Variants in ERC2 observed in about 807,000 individuals in gnomAD.
The protein encoded by ERC2 is ERC protein 2.
In ERC2, 42 loss-of-function variants were observed where a neutral mutation model predicts 114.8. The ratio of observed to expected loss-of-function variants is 0.37; its 90% confidence interval spans 0.29 to 0.47. The LOEUF is 0.47. Ranked by LOEUF, ERC2 falls within the 20% of genes least tolerant of loss-of-function variation. The pLI is 0.99. For missense variants in ERC2, 939 were observed against 1,150.7 expected (o/e 0.82, Z 2.66); for synonymous variants, 454 against 425.5 (o/e 1.07, Z -0.82).
intron 5 of ERC2, among the ~76,000 whole-genome samples, chr3:56,141,259 T>TGAA (rs2080838704): frequency 6.6e-6 from 1 of 152,158 alleles, no homozygotes; most frequent in Admixed American, 6.5e-5. Flanking sequence ...CAACTAGAGC[T>TGAA]GAAGTTTATT....
chr3:55,533,720 T>G (rs1239439292), intron 17 of ERC2, among the ~76,000 whole-genome samples: 2 of 152,188 alleles, frequency 1.3e-5, no homozygotes, highest in Non-Finnish European at 2.9e-5. Flanking sequence ...GTGCTGCTCC[T>G]GGGGAGATGC....
At chr3:55,545,919 C>T (rs1410920233) in intron 17 of ERC2, among the ~76,000 whole-genome samples, 2 of 152,160 alleles carry the variant, frequency 1.3e-5, no homozygotes, top group Admixed American at 1.3e-4. Flanking sequence ...GTCTTGGGTC[C>T]CGTTACCCTG....
At chr3:55,662,905 T>C (rs1157597167) in intron 17 of ERC2, among the ~76,000 whole-genome samples, 1 of 152,184 alleles carries the variant, frequency 6.6e-6, no homozygotes, top group Admixed American at 6.5e-5. Flanking sequence ...TGATGAGACA[T>C]GCTGAATGAG....
chr3:55,558,642 A>G (rs2055792990), intron 17 of ERC2, among the ~76,000 whole-genome samples: 1 of 152,228 alleles, frequency 6.6e-6, no homozygotes, highest in Admixed American at 6.5e-5. Context: ...AGTATCCCTA[A>G]CAGTTACAGA....
chr3:55,908,487 A>G (rs556555543), intron 13 of ERC2, among the ~76,000 whole-genome samples: 1 of 152,188 alleles, frequency 6.6e-6, no homozygotes, highest in East Asian at 1.9e-4. Context: ...TGAACAGAGG[A>G]GGAAAGGAAG....
At chr3:55,735,048 A>G (rs2065540749) in intron 14 of ERC2, 130 bp from the exon 15 acceptor site, 2 of 999,604 alleles carry the variant, frequency 2.0e-6, no homozygotes, top group African/African-American at 1.6e-5. Flanking sequence ...TACTTAAAAC[A>G]AACTAGCTCT....
At position 55,994,647 on chromosome 3, in the gene ERC2, T is replaced by TAAAAAAAAA. The variant is rs10662566; in HGVS notation, c.2062-2406_2062-2398dup. Among the ~76,000 whole-genome samples the TAAAAAAAAA allele has an allele frequency of 9.8e-5, 6 of 61,396 alleles. 1 individual carries two copies. The highest frequency in any genetic ancestry group is 2.8e-4 in the African/African-American group (4 of 14,196). 40.3% of individuals were successfully genotyped at this position (61,396 alleles called of 152,430 possible). A position where few individuals can be genotyped will look rare whatever the true frequency, so the allele number is the denominator to read the frequency against. ...CATTGACAAGATACTACATACTCCCTAAAAAAAAAAAAAAAAAAAAAAAAA... is the reference window on the plus strand; with the variant it reads ...CATTGACAAGATACTACATACTCCCTAAAAAAAAAAAAAAAAAAAAAAAAAAAAAAAAAA... On this transcript the variant is annotated intron_variant, in intron 10 of 17. Coordinates refer to ENST00000288221, the MANE Select transcript of ERC2 (RefSeq NM_015576.3).
At chr3:55,564,532 G>A (rs1381887687) in intron 17 of ERC2, among the ~76,000 whole-genome samples, 1 of 152,158 alleles carries the variant, frequency 6.6e-6, no homozygotes, top group Non-Finnish European at 1.5e-5. Flanking sequence ...TTGTGACAGA[G>A]ACACTGCCAG....
At chr3:56,430,859 AG>A (rs1395438080) in intron 2 of ERC2, among the ~76,000 whole-genome samples, 33 of 152,276 alleles carry the variant, frequency 2.2e-4, no homozygotes, top group African/African-American at 7.7e-4. Flanking sequence ...TTTTTCATCT[AG>A]CATGTATGAA....
At chr3:56,133,604 T>C (rs2080333166) in intron 6 of ERC2, among the ~76,000 whole-genome samples, 1 of 152,160 alleles carries the variant, frequency 6.6e-6, no homozygotes, top group Non-Finnish European at 1.5e-5. Flanking sequence ...TGTATGACCT[T>C]GAGCAAGTTA....
intron 14 of ERC2, among the ~76,000 whole-genome samples, chr3:55,765,586 G>A (rs1276506443): frequency 6.6e-6 from 1 of 152,216 alleles, no homozygotes; most frequent in Admixed American, 6.5e-5. Flanking sequence ...ACTGGCAGAG[G>A]TATCCTCAAC....
chr3:56,125,005 T>C (rs2079792897), intron 6 of ERC2, among the ~76,000 whole-genome samples: 1 of 152,232 alleles, frequency 6.6e-6, no homozygotes, highest in African/African-American at 2.4e-5. Context: ...TTGTATTTCA[T>C]CCAACATGTG....
intron 14 of ERC2, among the ~76,000 whole-genome samples, chr3:55,862,461 T>A (rs2062073132): frequency 6.6e-6 from 1 of 152,070 alleles, no homozygotes; most frequent in Non-Finnish European, 1.5e-5. Flanking sequence ...TGGCAGAAAT[T>A]TTGCAACATG....
chr3:55,999,512 T>C (rs2071866309), intron 10 of ERC2, among the ~76,000 whole-genome samples: 1 of 152,042 alleles, frequency 6.6e-6, no homozygotes. Context: ...AAAAAACAAC[T>C]ATACTATAAT....
chr3:56,340,082 T>G (rs758091409), intron 2 of ERC2, among the ~76,000 whole-genome samples: 23 of 152,226 alleles, frequency 1.5e-4, no homozygotes, highest in Non-Finnish European at 2.8e-4. Context: ...TTATAAGTAA[T>G]TAAATCCTAT....
At chr3:56,001,294 G>A (rs575560214) in intron 10 of ERC2, among the ~76,000 whole-genome samples, 1 of 152,036 alleles carries the variant, frequency 6.6e-6, no homozygotes, top group Non-Finnish European at 1.5e-5. Flanking sequence ...TCCTCTATAG[G>A]CTTCCATATG....
At chr3:55,720,986 G>A (rs1354903632) in intron 15 of ERC2, among the ~76,000 whole-genome samples, 1 of 152,220 alleles carries the variant, frequency 6.6e-6, no homozygotes, top group Non-Finnish European at 1.5e-5. Flanking sequence ...TTTATAGGAA[G>A]GTAAGTTGAC....
intron 17 of ERC2, among the ~76,000 whole-genome samples, chr3:55,568,411 T>C (rs536598668): frequency 6.6e-6 from 1 of 152,304 alleles, no homozygotes; most frequent in Admixed American, 6.5e-5. Flanking sequence ...AAACCTGAGC[T>C]CCGGAACATC....
At chr3:55,783,155 A>G (rs2069196337) in intron 14 of ERC2, among the ~76,000 whole-genome samples, 1 of 152,198 alleles carries the variant, frequency 6.6e-6, no homozygotes, top group Non-Finnish European at 1.5e-5. Context: ...TACTTACCGA[A>G]GCCTGAAATG....
Sources: gnomAD v4.1 joint callset for allele counts (sites outside exome capture counted in the v4.1 genomes callset) on GRCh38, gnomAD v4.1.1 for gene constraint, MANE v1.5 for transcripts, NCBI Gene and HGNC (gene_info 2026-07-23, HGNC 2026-07-21) for gene names.